Variants in USH2A observed in about 807,000 individuals in gnomAD.
USH2A encodes the protein Usher syndrome 2A (autosomal recessive, mild).
Under a neutral mutation model 538.9 loss-of-function variants are expected in USH2A, and 443 were observed. The observed-to-expected ratio is 0.82, with a 90% confidence interval of 0.76 to 0.89. The LOEUF is 0.89. Ranked by LOEUF, USH2A falls within the 40% of genes least tolerant of loss-of-function variation. The probability of loss-of-function intolerance (pLI) is 0.00; values close to 1 mark genes in which losing one functional copy is unlikely to be tolerated. For missense variants in USH2A, 6,633 were observed against 6,324.8 expected, an observed-to-expected ratio of 1.05 and a Z score of -1.65; for synonymous variants, 2,413 against 2,273.5, an observed-to-expected ratio of 1.06 and a Z score of -1.75.
chr1:215,841,556 A>G (rs1663675137), intron 46 of USH2A, among the ~76,000 whole-genome samples: 1 of 152,228 alleles, frequency 6.6e-6, no homozygotes, highest in Non-Finnish European at 1.5e-5. Flanking sequence ...AAGATGGATT[A>G]AAGACTTAAA....
At chr1:216,102,616 G>A (rs1387261031) in intron 21 of USH2A, among the ~76,000 whole-genome samples, 1 of 151,936 alleles carries the variant, frequency 6.6e-6, no homozygotes, top group Non-Finnish European at 1.5e-5. Flanking sequence ...TGGATAACAC[G>A]GCGAAACCTC....
At chr1:216,165,765 T>C (rs1471960116) in intron 21 of USH2A, among the ~76,000 whole-genome samples, 1 of 151,824 alleles carries the variant, frequency 6.6e-6, no homozygotes, top group Non-Finnish European at 1.5e-5. Context: ...AAAAAGATAG[T>C]CATAATTTCA....
rs188724444 is a variant in USH2A, at chr1:216,170,699, C to T, written c.4627+4553G>A. 9.1e-4 allele frequency among the ~76,000 whole-genome samples: 138 copies of T among 152,154 alleles called. 1 individual carries two copies. Among genetic ancestry groups the T allele is most frequent in the Non-Finnish European group, 2.2e-4 (15 of 67,996 alleles). ...GAGAAAGAGGGTCACCTTTGGAATG[C>T]CAATCTGAGCAGTATTTTACTTGCT... On this transcript the variant is annotated intron_variant, in intron 21 of 71. Transcript: ENST00000307340.
At position 215,741,408 on chromosome 1, in the gene USH2A, G is replaced by A. The variant is rs1031332376; in HGVS notation, c.11678C>T (p.Pro3893Leu). 6.2e-7 allele frequency: 1 copy of A among 1,613,844 alleles called. No individual in the cohort carries two copies. Among genetic ancestry groups the A allele is most frequent in the Non-Finnish European group, 8.5e-7 (1 of 1,179,918 alleles). The change falls in exon 60 of 72, where the codon CCA (proline) becomes CTA (leucine). Residue 3893 changes from proline (P) to leucine (L), a missense_variant. Pro to Leu is a moderately conservative substitution (Grantham distance 98). Transcript: ENST00000307340. ...AAAGTAGTTGATGATGATTCCATTT[G>A]GTTTTTCAGGTGGCATCCACTTAAT... ...IEIKWMPPEK[P>L]NGIIINYFIY...
chr1:216,089,397 A>T (rs1300674792), intron 22 of USH2A, among the ~76,000 whole-genome samples: 1 of 152,128 alleles, frequency 6.6e-6, no homozygotes, highest in Non-Finnish European at 1.5e-5. Context: ...TTTCTTACAA[A>T]GTCACTTGCA....
Position 215,782,202 on chromosome 1 carries a change from A to C in USH2A, c.10586-6T>G. 1 of 1,613,644 alleles carries C rather than the reference A, an allele frequency of 6.2e-7. No homozygotes were observed. The highest frequency in any genetic ancestry group is 1.3e-5 in the African/African-American group (1 of 75,034). On this transcript the variant is annotated splice_polypyrimidine_tract_variant and splice_region_variant and intron_variant, in intron 53 of 71. Transcript: ENST00000307340. ...GATGTAGTAAATAATAGGACCTAAA[A>C]GAAGCAGAAAAATGACTGCATTTGA... is the stretch of plus-strand genomic sequence containing the variant.
At chr1:216,217,349 C>T in intron 15 of USH2A, 38 bp downstream of exon 15, 2 of 1,610,576 alleles carry the variant, frequency 1.2e-6, no homozygotes, top group Non-Finnish European at 1.7e-6. Flanking sequence ...CTGTATGATG[C>T]TGCTTCACAC....
chr1:215,645,721 T>C (rs1379491213), intron 67 of USH2A, among the ~76,000 whole-genome samples: 2 of 152,326 alleles, frequency 1.3e-5, no homozygotes, highest in East Asian at 3.9e-4. Flanking sequence ...CAATGCCAGA[T>C]AGAGTATTTT....
chr1:215,676,649 T>C (rs767933318), intron 62 of USH2A, among the ~76,000 whole-genome samples: 14 of 152,210 alleles, frequency 9.2e-5, no homozygotes, highest in Non-Finnish European at 1.9e-4. Context: ...AACCTCTTTA[T>C]GTTGGAATGT....
intron 61 of USH2A, among the ~76,000 whole-genome samples, chr1:215,720,069 G>A (rs1333538334): frequency 6.6e-6 from 1 of 152,170 alleles, no homozygotes; most frequent in Admixed American, 6.5e-5. Context: ...AACTCTACTG[G>A]AACAGCTAGA....
chr1:216,279,582 C>T (rs988201088), intron 11 of USH2A, among the ~76,000 whole-genome samples: 3 of 152,080 alleles, frequency 2.0e-5, no homozygotes, highest in African/African-American at 7.2e-5. Context: ...TGAGCCCCAA[C>T]CCCAAACTTC....
chr1:216,200,078 T>A lies in USH2A; in HGVS notation c.3360A>T (p.Lys1120Asn), dbSNP rs751472944. The change falls in exon 17 of 72, where the codon AAA becomes AAT. Residue 1120 changes from lysine (K) to asparagine (N), a missense_variant. Coordinates refer to ENST00000307340, the MANE Select transcript of USH2A (RefSeq NM_206933.4). The part of the protein sequence containing the change: ...FLDTDLLPYT[K>N]YSYYIETTNV... Reference sequence around the variant, plus strand: ...TGGTGGTCTCAATGTAATAGGAATATTTGGTATATGGTAACAGGTCTGTGT... The same window carrying A: ...TGGTGGTCTCAATGTAATAGGAATAATTGGTATATGGTAACAGGTCTGTGT... 7.4e-6 allele frequency: 12 copies of A among 1,613,728 alleles called. No individual in the cohort carries two copies.
At chr1:215,880,785 G>C (rs1406461038) in intron 41 of USH2A, among the ~76,000 whole-genome samples, 3 of 152,186 alleles carry the variant, frequency 2.0e-5, no homozygotes, top group African/African-American at 4.8e-5. Context: ...TGAGAGTTCA[G>C]GTCAGAGCTT....
intron 67 of USH2A, among the ~76,000 whole-genome samples, chr1:215,642,025 T>C (rs1407305815): frequency 1.3e-5 from 2 of 152,180 alleles, no homozygotes; most frequent in African/African-American, 2.4e-5. Context: ...GATTTTCACT[T>C]TTTCCCTATA....
At chr1:215,695,842 C>T (rs947960302) in intron 61 of USH2A, among the ~76,000 whole-genome samples, 2 of 152,160 alleles carry the variant, frequency 1.3e-5, no homozygotes, top group Non-Finnish European at 2.9e-5. Context: ...CCTCTGCCTC[C>T]TGGGTTCAAG....
At chr1:216,236,454 TG>T (rs2035818967) in intron 13 of USH2A, among the ~76,000 whole-genome samples, 1 of 152,206 alleles carries the variant, frequency 6.6e-6, no homozygotes, top group Admixed American at 6.6e-5. Flanking sequence ...TATTTGTGAT[TG>T]TATACCTTAA....
In USH2A at chr1:215,687,282, C is replaced by T. The variant is rs759218384; in HGVS notation, c.12067-6906G>A. On this transcript the variant is annotated intron_variant, in intron 61 of 71. Coordinates refer to ENST00000307340, the MANE Select transcript of USH2A (RefSeq NM_206933.4). Reference sequence around the variant, plus strand: ...TAAAATGTTCAGCTTGGAGGATCCACATATTAACACTGGGATCACTTTAAT... The same window carrying T: ...TAAAATGTTCAGCTTGGAGGATCCATATATTAACACTGGGATCACTTTAAT... 3.9e-5 allele frequency among the ~76,000 whole-genome samples: 6 copies of T among 152,018 alleles called. 1 individual carries two copies. The highest frequency in any genetic ancestry group is 5.9e-5 in the Non-Finnish European group (4 of 67,968).
At chr1:215,898,888 G>A (rs542554628) in intron 40 of USH2A, among the ~76,000 whole-genome samples, 13 of 152,246 alleles carry the variant, frequency 8.5e-5, no homozygotes, top group South Asian at 2.1e-4. Context: ...GCCATTTATC[G>A]TACTGTGCTG....
At chr1:216,015,279 T>C (rs192527128) in intron 32 of USH2A, among the ~76,000 whole-genome samples, 2 of 152,330 alleles carry the variant, frequency 1.3e-5, no homozygotes, top group East Asian at 1.9e-4. Flanking sequence ...TTCTCGTAGA[T>C]GCCTGAAAAG....
Sources: allele counts gnomAD v4.1 joint callset (sites outside exome capture counted in the v4.1 genomes callset), GRCh38; gene constraint gnomAD v4.1.1; transcripts MANE v1.5; gene names NCBI Gene and HGNC (gene_info 2026-07-23, HGNC 2026-07-21).